Variants in MYO1E observed in about 807,000 individuals in gnomAD.
The protein encoded by MYO1E is unconventional myosin-Ie.
In MYO1E, 68 loss-of-function variants were observed where a neutral mutation model predicts 151.1. The ratio of observed to expected loss-of-function variants is 0.45; its 90% CI spans 0.37 to 0.55. The LOEUF is 0.55. Among genes scored for constraint, MYO1E ranks in the 20% least tolerant of loss-of-function variants. MYO1E has a pLI of 0.00. For missense variants in MYO1E, 1,363 were observed against 1,389.3 expected (o/e 0.98, Z 0.30); for synonymous variants, 601 against 501.7 (o/e 1.20, Z -2.64).
At chr15:59,158,789 T>C (rs1367872361) in intron 24 of MYO1E, among the ~76,000 whole-genome samples, 1 of 152,256 alleles carries the variant, frequency 6.6e-6, no homozygotes, top group Non-Finnish European at 1.5e-5. Context: ...GTTCTGGCAC[T>C]GACTGCACAC....
At chr15:59,265,176 G>A (rs1480594472) in intron 2 of MYO1E, among the ~76,000 whole-genome samples, 1 of 152,098 alleles carries the variant, frequency 6.6e-6, no homozygotes, top group African/African-American at 2.4e-5. Flanking sequence ...AAACAAACAG[G>A]CAAATAAGCT....
At chr15:59,254,228 G>A (rs865779954) in intron 4 of MYO1E, among the ~76,000 whole-genome samples, 6 of 152,014 alleles carry the variant, frequency 3.9e-5, no homozygotes, top group Admixed American at 2.0e-4. Context: ...CATCTCTGTC[G>A]CCTGGCTAGA....
chr15:59,264,863 A>G (rs886911094), intron 2 of MYO1E: 2 of 152,044 alleles, frequency 1.3e-5, no homozygotes, highest in Admixed American at 6.6e-5. Context: ...TCTACAAAAA[A>G]TTTTTTTAAA....
chr15:59,213,107 A>G (rs1596368442), intron 12 of MYO1E, among the ~76,000 whole-genome samples: 1 of 150,596 alleles, frequency 6.6e-6, no homozygotes, highest in East Asian at 1.9e-4. Context: ...TGCTATCAGG[A>G]AACAATGGAA....
chr15:59,234,331 G>A (rs1442737603), intron 5 of MYO1E, among the ~76,000 whole-genome samples: 2 of 152,124 alleles, frequency 1.3e-5, no homozygotes, highest in East Asian at 3.9e-4. Flanking sequence ...TTTAAAGTCT[G>A]TAATTAAAGA....
intron 26 of MYO1E, among the ~76,000 whole-genome samples, chr15:59,138,913 G>A: frequency 6.6e-6 from 1 of 152,090 alleles, no homozygotes; most frequent in Non-Finnish European, 1.5e-5. Flanking sequence ...ATATTCCACG[G>A]TCACATGCTC....
intron 13 of MYO1E, 56 bp downstream of exon 13, chr15:59,210,458 A>C (rs1353408871): frequency 1.6e-6 from 2 of 1,216,548 alleles, no homozygotes; most frequent in Non-Finnish European, 1.2e-6. Context: ...AGAGAATAAA[A>C]ACTCACTTAA....
chr15:59,370,465 T>G (rs2080938279), intron 1 of MYO1E, among the ~76,000 whole-genome samples: 1 of 152,218 alleles, frequency 6.6e-6, no homozygotes, highest in Non-Finnish European at 1.5e-5. Flanking sequence ...AGCCAGCTGT[T>G]TCAACTTTTC....
intron 18 of MYO1E, among the ~76,000 whole-genome samples, chr15:59,187,529 C>A (rs1169689533): frequency 2.6e-5 from 4 of 152,216 alleles, no homozygotes; most frequent in Non-Finnish European, 5.9e-5. Context: ...CAGGCAGTTC[C>A]TCTCAAAGGT....
chr15:59,160,606 A>G (rs1363561243), intron 24 of MYO1E, among the ~76,000 whole-genome samples: 1 of 151,718 alleles, frequency 6.6e-6, no homozygotes, highest in Non-Finnish European at 1.5e-5. Flanking sequence ...GTGTGTGGAG[A>G]CAGGGTTTTG....
At chr15:59,330,110 A>G (rs1371634404) in intron 1 of MYO1E, among the ~76,000 whole-genome samples, 1 of 152,210 alleles carries the variant, frequency 6.6e-6, no homozygotes, top group Non-Finnish European at 1.5e-5. Context: ...CAGATAAATT[A>G]ATACATATTC....
At chr15:59,316,651 A>G (rs1226576514) in intron 1 of MYO1E, among the ~76,000 whole-genome samples, 1 of 152,188 alleles carries the variant, frequency 6.6e-6, no homozygotes, top group African/African-American at 2.4e-5. Flanking sequence ...TTGCCCATAT[A>G]AACTGGTCTT....
At chr15:59,370,486 T>C (rs548115354) in intron 1 of MYO1E, among the ~76,000 whole-genome samples, 5 of 152,336 alleles carry the variant, frequency 3.3e-5, no homozygotes, top group Non-Finnish European at 5.9e-5. Context: ...CATCAGTGAA[T>C]TGTGACTTCA....
chr15:59,149,618 T>C (rs56235504), intron 26 of MYO1E, among the ~76,000 whole-genome samples: 4 of 152,310 alleles, frequency 2.6e-5, no homozygotes, highest in South Asian at 2.1e-4. Flanking sequence ...GAACAACTGA[T>C]TGAACCTAAA....
chr15:59,202,797 AG>A (rs2079810215), intron 15 of MYO1E, among the ~76,000 whole-genome samples: 1 of 152,160 alleles, frequency 6.6e-6, no homozygotes, highest in South Asian at 2.1e-4. Flanking sequence ...GTTGGAGCGC[AG>A]GGGTTCAATC....
chr15:59,337,648 T>C (rs1386313189), intron 1 of MYO1E, among the ~76,000 whole-genome samples: 4 of 152,116 alleles, frequency 2.6e-5, no homozygotes, highest in Non-Finnish European at 4.4e-5. Context: ...CTGACCAACA[T>C]GGAGAAACCC....
chr15:59,301,531 T>A, intron 1 of MYO1E, among the ~76,000 whole-genome samples: 1 of 152,230 alleles, frequency 6.6e-6, no homozygotes. Context: ...GACCCTCAAC[T>A]GTGTCTCCTG....
At chr15:59,263,172 A>T (rs2140375181) in intron 2 of MYO1E, among the ~76,000 whole-genome samples, 1 of 152,360 alleles carries the variant, frequency 6.6e-6, no homozygotes, top group Admixed American at 6.5e-5. Context: ...AAACTATGAG[A>T]TTTCCTCCCA....
chr15:59,191,332 CAGAG>C (rs34694267), intron 17 of MYO1E, among the ~76,000 whole-genome samples: 33,051 of 105,582 alleles, frequency 0.31, 4,304 homozygotes, highest in East Asian at 0.6. Context: ...CAGACAGAGA[CAGAG>C]AGAGAGAGAG....
Sources: allele counts gnomAD v4.1 joint callset (sites outside exome capture counted in the v4.1 genomes callset), GRCh38; gene constraint gnomAD v4.1.1; transcripts MANE v1.5; gene names NCBI Gene and HGNC (gene_info 2026-07-23, HGNC 2026-07-21).